DYNLT3: variants seen among roughly 807,000 people sequenced by gnomAD.
The protein encoded by DYNLT3 is dynein light chain Tctex-type 3, also known as protein 91/23.
In DYNLT3, 4 loss-of-function variants were observed where a neutral mutation model predicts 11.0. The ratio of observed to expected loss-of-function variants is 0.36; its 90% CI spans 0.18 to 0.83. DYNLT3 has a LOEUF of 0.83. Among genes scored for constraint, DYNLT3 ranks in the 40% least tolerant of loss-of-function variants. The pLI is 0.47. For synonymous variants in DYNLT3, 37 were observed against 31.2 expected (o/e 1.18, Z -0.61); for missense variants, 91 against 91.1 (o/e 1.00, Z 0.01).
chrX:37,847,104 C>A, intron 1 of DYNLT3: 1 of 1,163,326 alleles, frequency 8.6e-7, no homozygotes, highest in Non-Finnish European at 1.1e-6. Flanking sequence ...GGCTGCAGCA[C>A]CCGCGCTGAG....
rs766622212 is a variant in DYNLT3 at position 37,843,447 on chromosome X, T to C, written c.73-1542A>G. ...TACTATTAATTAACATCTAGCCTAA[T>C]TAATTACATTAACATGGAGGCCCAT... On this transcript the variant is annotated intron_variant, in intron 2 of 4. Transcript: ENST00000378578. Among the ~76,000 whole-genome samples, 225 of 112,436 alleles carry C rather than the reference T, an allele frequency of 2.0e-3. 1 individual carries two copies. The highest frequency in any genetic ancestry group is 7.2e-3 in the African/African-American group (222 of 31,011).
intron 2 of DYNLT3, among the ~76,000 whole-genome samples, chrX:37,845,552 T>C (rs1930252257): frequency 8.9e-6 from 1 of 112,823 alleles, no homozygotes; most frequent in Non-Finnish European, 1.9e-5. Flanking sequence ...CAAAAAAGTG[T>C]ACATGCCCAA....
intron 4 of DYNLT3, 37 bp downstream of exon 4, chrX:37,840,991 A>G (rs1360205472): frequency 1.7e-6 from 2 of 1,189,537 alleles, no homozygotes; most frequent in Non-Finnish European, 2.3e-6. Flanking sequence ...CTTTGCTAAA[A>G]GTTGGATTTT....
chrX:37,840,974 A>C, intron 4 of DYNLT3, 54 bp downstream of exon 4: 1 of 1,120,429 alleles, frequency 8.9e-7, no homozygotes, highest in Non-Finnish European at 1.2e-6. Flanking sequence ...TAAAAAGTGC[A>C]GTTTGACTTT....
chrX:37,844,510 C>T (rs1214889949), intron 2 of DYNLT3, among the ~76,000 whole-genome samples: 2 of 112,439 alleles, frequency 1.8e-5, no homozygotes, highest in Non-Finnish European at 3.8e-5. Context: ...TTGGTTCCCT[C>T]AGACCACCCG....
chrX:37,839,540 AAT>A lies in DYNLT3; in HGVS notation c.*1033_*1034del, dbSNP rs1282470368. 1 of 112,345 alleles carries A rather than the reference AAT, an allele frequency of 8.9e-6. No homozygotes were observed. Among genetic ancestry groups the A allele is most frequent in the Non-Finnish European group, 1.9e-5 (1 of 53,148 alleles). The allele number at this position is 112,345 out of a possible 1,213,427, so 9.3% of individuals were successfully genotyped here. On this transcript the variant is annotated 3_prime_UTR_variant, in exon 5 of 5. Transcript: ENST00000378578. The stretch of plus-strand genomic sequence containing the variant: ...TACTACTTGTATAGGTAAGACTGAT[AAT>A]AAGGCCTTTAACTAAGAGTTGCATA...
chrX:37,846,960 G>A, intron 1 of DYNLT3: 1 of 1,140,572 alleles, frequency 8.8e-7, no homozygotes, highest in Non-Finnish European at 1.2e-6. Flanking sequence ...TGGGTTTCTG[G>A]TGAGGGTTGG....
rs1930119789 is a variant in DYNLT3 at position 37,840,475 on chromosome X, C to G, written c.*100G>C. ...TGATAGCTTTAAAGCATATTGCACG[C>G]TTTTCATCTAGCACACTAGTAAACA... On this transcript the variant is annotated 3_prime_UTR_variant, in exon 5 of 5. Coordinates refer to ENST00000378578, the MANE Select transcript of DYNLT3 (RefSeq NM_006520.3). 4 of 731,103 alleles carry G rather than the reference C, an allele frequency of 5.5e-6. No homozygotes were observed. Among genetic ancestry groups the G allele is most frequent in the Middle Eastern group, 4.9e-4 (1 of 2,053 alleles). 60.3% of individuals were successfully genotyped at this position (731,103 alleles called of 1,213,427 possible). A position where few individuals can be genotyped will look rare whatever the true frequency, so the allele number is the denominator to read the frequency against.
intron 1 of DYNLT3, 87 bp downstream of exon 1, chrX:37,847,394 C>T: frequency 1.0e-6 from 1 of 997,837 alleles, no homozygotes; most frequent in Non-Finnish European, 1.3e-6. Flanking sequence ...CTCTTGGGAC[C>T]GCCCTCGCTG....
intron 2 of DYNLT3, among the ~76,000 whole-genome samples, chrX:37,844,620 G>A (rs1463195616): frequency 8.9e-6 from 1 of 112,002 alleles, no homozygotes; most frequent in African/African-American, 3.3e-5. Context: ...TTTCTTCAAC[G>A]CAGAGGATTG....
At chrX:37,846,942 T>C (rs1257014826) in intron 1 of DYNLT3, 2 of 1,105,031 alleles carry the variant, frequency 1.8e-6, no homozygotes, top group Admixed American at 5.2e-5. Context: ...AGATAACAAC[T>C]GACATCATGG....
At chrX:37,840,685 C>G in intron 4 of DYNLT3, 34 bp from the exon 5 acceptor site, 3 of 995,333 alleles carry the variant, frequency 3.0e-6, no homozygotes, top group Non-Finnish European at 4.1e-6. Context: ...GAAATACCAG[C>G]AAAACATAAA....
intron 2 of DYNLT3, among the ~76,000 whole-genome samples, chrX:37,842,934 T>C (rs1056063874): frequency 2.7e-5 from 3 of 112,259 alleles, no homozygotes; most frequent in Non-Finnish European, 5.6e-5. Context: ...CTTCATTTAC[T>C]ATCATTAGAC....
At chrX:37,846,414 C>G in intron 1 of DYNLT3, 56 bp from the exon 2 acceptor site, 3 of 1,127,347 alleles carry the variant, frequency 2.7e-6, no homozygotes, top group Non-Finnish European at 3.6e-6. Flanking sequence ...AAGTATGACG[C>G]TACACAGAAT....
At chrX:37,843,428 T>C (rs1283609144) in intron 2 of DYNLT3, among the ~76,000 whole-genome samples, 2 of 112,410 alleles carry the variant, frequency 1.8e-5, no homozygotes, top group East Asian at 5.5e-4. Context: ...TAATTACTAT[T>C]AATTAACATC....
chrX:37,840,759 C>CAA (rs773783244), intron 4 of DYNLT3, 108 bp from the exon 5 acceptor site: 17,119 of 265,862 alleles, frequency 0.064, 356 homozygotes, highest in Middle Eastern at 0.086. Flanking sequence ...TATACACACA[C>CAA]ACACACACAC....
In DYNLT3 at chrX:37,846,561, G is replaced by GC. The variant is rs1484001999; in HGVS notation, c.31-204dup. ...TCCCGTGAGGTCTGGGGCAGAGCCT[G>GC]CAAGTCTACATTTTTTTTTAAAAAA... On this transcript the variant is annotated intron_variant, in intron 1 of 4. Coordinates refer to ENST00000378578, the MANE Select transcript of DYNLT3 (RefSeq NM_006520.3). Among the ~76,000 whole-genome samples, 3 of 111,448 alleles carry GC rather than the reference G, an allele frequency of 2.7e-5. No individual in the cohort carries two copies. The Admixed American group carries it at 2.8e-4, about 11-fold the overall frequency.
chrX:37,844,778 T>C (rs933764082), intron 2 of DYNLT3, among the ~76,000 whole-genome samples: 4 of 111,385 alleles, frequency 3.6e-5, no homozygotes, highest in African/African-American at 1.3e-4. Context: ...TAGTTTCTCC[T>C]TCCCTCTCCA....
chrX:37,841,987 T>G, intron 2 of DYNLT3, 82 bp from the exon 3 acceptor site: 1 of 913,490 alleles, frequency 1.1e-6, no homozygotes, highest in Non-Finnish European at 1.4e-6. Flanking sequence ...CAGTAAAAAT[T>G]TATTCAAAAC....
Sources: gnomAD v4.1 joint callset for allele counts (sites outside exome capture counted in the v4.1 genomes callset) on GRCh38, gnomAD v4.1.1 for gene constraint, MANE v1.5 for transcripts, NCBI Gene and HGNC (gene_info 2026-07-23, HGNC 2026-07-21) for gene names.